PCDHGA2: variants seen among roughly 807,000 people sequenced by gnomAD.
PCDHGA2 encodes protocadherin gamma subfamily A, 2.
A neutral mutation model predicts 59.2 loss-of-function variants in PCDHGA2; 40 were observed. The observed-to-expected ratio is 0.68, with a 90% CI of 0.52 to 0.88. The LOEUF (loss-of-function observed/expected upper bound fraction) is 0.88. PCDHGA2 is among the 40% of genes least tolerant of loss of function. PCDHGA2 has a pLI of 0.00. For missense variants in PCDHGA2, 1,226 were observed against 1,204.0 expected, an observed-to-expected ratio of 1.02 and a Z score of -0.27; for synonymous variants, 560 against 526.0, an observed-to-expected ratio of 1.06 and a Z score of -0.89.
At chr5:141,346,654 G>C (rs1757787682) in intron 1 of PCDHGA2, 1 of 777,668 alleles carries the variant, frequency 1.3e-6, no homozygotes, top group South Asian at 2.0e-5. Context: ...TGGGCTTAGG[G>C]AAAAAATAAT....
chr5:141,423,462 C>G, intron 1 of PCDHGA2: 1 of 1,613,924 alleles, frequency 6.2e-7, no homozygotes, highest in Non-Finnish European at 8.5e-7. Flanking sequence ...TAGGCGTGGA[C>G]GGGGTACAGG....
intron 1 of PCDHGA2, chr5:141,385,035 G>C: frequency 6.2e-7 from 1 of 1,614,164 alleles, no homozygotes; most frequent in East Asian, 2.2e-5. Context: ...TCGTACTGCT[G>C]GCGCTCAGGC....
At chr5:141,387,643 C>G in intron 1 of PCDHGA2, 1 of 625,670 alleles carries the variant, frequency 1.6e-6, no homozygotes, top group Non-Finnish European at 2.7e-6. Flanking sequence ...CGCTGTTGGC[C>G]AAAGTGGAGA....
chr5:141,360,951 C>T (rs1413574595), intron 1 of PCDHGA2: 2 of 1,613,942 alleles, frequency 1.2e-6, no homozygotes, highest in Admixed American at 1.7e-5. Flanking sequence ...GGGATGAAGG[C>T]ATAAACGCAG....
intron 1 of PCDHGA2, chr5:141,392,660 C>A: frequency 1.3e-6 from 1 of 797,246 alleles, no homozygotes; most frequent in Non-Finnish European, 1.9e-6. Flanking sequence ...GCAGATGCCA[C>A]AAACTAACTG....
chr5:141,427,832 T>C, intron 1 of PCDHGA2: 1 of 1,540,264 alleles, frequency 6.5e-7, no homozygotes, highest in Non-Finnish European at 8.9e-7. Flanking sequence ...TCGCGCAGCG[T>C]GCCTTCGACC....
chr5:141,438,288 G>C (rs752722248), intron 1 of PCDHGA2, among the ~76,000 whole-genome samples: 18 of 151,902 alleles, frequency 1.2e-4, no homozygotes, highest in Non-Finnish European at 2.1e-4. Flanking sequence ...AATTTAATCT[G>C]TATGTAAAAG....
chr5:141,409,844 C>G (rs1380163040), intron 1 of PCDHGA2: 3 of 1,611,858 alleles, frequency 1.9e-6, no homozygotes, highest in East Asian at 4.5e-5. Flanking sequence ...CAACGTGAGC[C>G]TGCGCGTGTT....
At chr5:141,390,529 T>C in intron 1 of PCDHGA2, 1 of 537,128 alleles carries the variant, frequency 1.9e-6, no homozygotes, top group Non-Finnish European at 3.3e-6. Context: ...GAGGGTGTGG[T>C]TTTAACCACA....
intron 1 of PCDHGA2, chr5:141,352,622 A>G (rs1759061031): frequency 1.2e-6 from 2 of 1,612,412 alleles, no homozygotes; most frequent in Admixed American, 1.7e-5. Context: ...TGTATGTGCC[A>G]GTAATGAAGA....
chr5:141,403,969 T>C (rs1437416293), intron 1 of PCDHGA2: 2 of 1,613,808 alleles, frequency 1.2e-6, no homozygotes, highest in Non-Finnish European at 1.7e-6. Context: ...CGGTGGAAGA[T>C]GTAAATGACA....
chr5:141,505,494 A>G lies in PCDHGA2; in HGVS notation c.2572+13A>G. ...GCGTCCGCCAGTGGTAAGTGGTGTC[A>G]GTGTGTGTATGGAAGAGTGGGAGAC... is the stretch of plus-strand genomic sequence containing the variant. On this transcript the variant is annotated intron_variant, in intron 3 of 3. Transcript: ENST00000394576. The G allele has an allele frequency of 6.8e-6, 11 of 1,614,198 alleles. No homozygotes were observed. Among genetic ancestry groups the G allele is most frequent in the Non-Finnish European group, 9.3e-6 (11 of 1,180,006 alleles).
intron 1 of PCDHGA2, among the ~76,000 whole-genome samples, chr5:141,348,570 A>G (rs762981385): frequency 2.7e-4 from 41 of 152,346 alleles, no homozygotes; most frequent in Non-Finnish European, 4.4e-4. Flanking sequence ...CATAGCCTAC[A>G]TATGTGTCAT....
At chr5:141,344,365 AG>A (rs768841675) in intron 1 of PCDHGA2, 1 of 1,613,644 alleles carries the variant, frequency 6.2e-7, no homozygotes. Flanking sequence ...ATTCTGGTTG[AG>A]GATAAATTGA....
At chr5:141,365,948 C>A (rs761134623) in intron 1 of PCDHGA2, 2 of 1,614,186 alleles carry the variant, frequency 1.2e-6, no homozygotes, top group Admixed American at 3.3e-5. Context: ...CAGTGGGAAC[C>A]CTCCACTTAG....
rs763303627 is a variant in PCDHGA2 at position 141,489,719 on chromosome 5, C to T, written c.2425-5088C>T. The T allele has an allele frequency of 1.4e-5, 22 of 1,613,946 alleles. No homozygotes were observed. The highest frequency in any genetic ancestry group is 9.3e-5 in the African/African-American group (7 of 74,924). On this transcript the variant is annotated intron_variant, in intron 1 of 3. Coordinates refer to ENST00000394576, the MANE Select transcript of PCDHGA2 (RefSeq NM_018915.4). The surrounding 1 kb of genome is among the most constrained non-coding windows in gnomAD (Gnocchi z 4.5). ...TTCCCACTGGACAGTGCCCAGGATCCGGATGTGGGCACCAATACTGTGAGC... is the reference window on the plus strand; with the variant it reads ...TTCCCACTGGACAGTGCCCAGGATCTGGATGTGGGCACCAATACTGTGAGC...
chr5:141,394,466 C>G lies in PCDHGA2; in HGVS notation c.2424+53071C>G, dbSNP rs765078363. 3.7e-6 allele frequency: 6 copies of G among 1,614,222 alleles called. 1 individual carries two copies. Among genetic ancestry groups the G allele is most frequent in the East Asian group, 4.5e-5 (2 of 44,878 alleles). On this transcript the variant is annotated intron_variant, in intron 1 of 3. Transcript: ENST00000394576. The stretch of plus-strand genomic sequence containing the variant: ...GCAGCAACATGTCACTGAGCCTGTT[C>G]GTGCTGGACCAGAATGACAACGCGC...
intron 1 of PCDHGA2, chr5:141,422,717 T>A: frequency 6.2e-7 from 1 of 1,604,832 alleles, no homozygotes; most frequent in Non-Finnish European, 8.5e-7. Flanking sequence ...GATGACACTG[T>A]CCAGGGGGTG....
chr5:141,398,931 C>T, intron 1 of PCDHGA2: 2 of 1,613,956 alleles, frequency 1.2e-6, no homozygotes, highest in East Asian at 4.5e-5. Context: ...CAGCCACTGA[C>T]CAAGACGAGG....
Sources: gnomAD v4.1 joint callset for allele counts (sites outside exome capture counted in the v4.1 genomes callset) on GRCh38, gnomAD v4.1.1 for gene constraint, Gnocchi (gnomAD v3.1) non-coding constraint, MANE v1.5 for transcripts, NCBI Gene and HGNC (gene_info 2026-07-23, HGNC 2026-07-21) for gene names.